PTPRG: variants seen among roughly 807,000 people sequenced by gnomAD.
PTPRG encodes the protein protein tyrosine phosphatase receptor type G.
PTPRG carries 102 observed loss-of-function variants against 165.3 expected under a neutral mutation model. That is an observed-to-expected ratio of 0.62 (90% CI 0.53 to 0.73). The LOEUF (loss-of-function observed/expected upper bound fraction) is 0.73. Among genes scored for constraint, PTPRG ranks in the 30% least tolerant of loss-of-function variants. PTPRG has a pLI of 0.00. For missense variants in PTPRG, 1,866 were observed against 1,861.4 expected, an observed-to-expected ratio of 1.00 and a Z score of -0.05; for synonymous variants, 675 against 669.5, an observed-to-expected ratio of 1.01 and a Z score of -0.13.
intron 1 of PTPRG, among the ~76,000 whole-genome samples, chr3:61,696,778 C>G (rs1282777618): frequency 2.0e-5 from 3 of 152,144 alleles, no homozygotes; most frequent in African/African-American, 7.2e-5. Context: ...TAGACTGCCA[C>G]AAGGAGCTAT....
chr3:62,278,474 T>C (rs1702313287), intron 26 of PTPRG, among the ~76,000 whole-genome samples: 1 of 152,086 alleles, frequency 6.6e-6, no homozygotes, highest in South Asian at 2.1e-4. Flanking sequence ...TTAGATCTTG[T>C]GGATACTTAA....
At chr3:61,858,567 AT>A (rs370523040) in intron 2 of PTPRG, among the ~76,000 whole-genome samples, 144 of 152,260 alleles carry the variant, frequency 9.5e-4, no homozygotes, top group African/African-American at 3.0e-3. Context: ...AGAAAAAGGC[AT>A]TTTTTTAAAG....
Position 62,271,469 on chromosome 3 carries a change from C to A in PTPRG, c.3096C>A (p.Pro1032=), listed in dbSNP as rs963079180. The part of the protein sequence containing the change: ...HYTQWPDMGV[P]EYALPVLTFV... ...CACAGTGGCCTGACATGGGAGTTCC[C>A]GAGTATGCCCTTCCAGTACTGACTT... The change falls in exon 21 of 30, where the codon CCC becomes CCA. Residue 1032 remains proline, a synonymous_variant. Transcript: ENST00000474889. The surrounding 1 kb of genome is among the most constrained non-coding windows in gnomAD (Gnocchi z 4.1). 3.9e-5 allele frequency: 63 copies of A among 1,613,784 alleles called. No individual in the cohort carries two copies. The highest frequency in any genetic ancestry group is 5.0e-5 in the Non-Finnish European group (59 of 1,179,842).
intron 1 of PTPRG, among the ~76,000 whole-genome samples, chr3:61,622,135 G>T (rs1189264813): frequency 1.3e-5 from 2 of 152,122 alleles, no homozygotes; most frequent in East Asian, 3.8e-4. Context: ...ACTTTCTAGA[G>T]GGAGGAAACC....
At chr3:61,985,693 T>C (rs894589826) in intron 2 of PTPRG, among the ~76,000 whole-genome samples, 1 of 152,172 alleles carries the variant, frequency 6.6e-6, no homozygotes, top group Admixed American at 6.5e-5. Context: ...CAGTGATGGA[T>C]TGATCATTAA....
intron 2 of PTPRG, among the ~76,000 whole-genome samples, chr3:61,924,052 C>G (rs1233374768): frequency 1.1e-4 from 16 of 152,144 alleles, no homozygotes; most frequent in Non-Finnish European, 1.5e-5. Flanking sequence ...AAAGCTAGGG[C>G]TTTTCCCATC....
Position 62,218,921 on chromosome 3 carries a change from T to G in PTPRG, c.2226T>G (p.Ile742Met), listed in dbSNP as rs757650773. The G allele has an allele frequency of 7.6e-5, 123 of 1,613,958 alleles. No individual in the cohort carries two copies. The highest frequency in any genetic ancestry group is 1.0e-4 in the Non-Finnish European group (121 of 1,179,982). ...PGRMEWIIPL[I>M]VVSALTFVCL... ...GGATGGAGTGGATCATCCCTCTGAT[T>G]GTGGTATCAGCCTTGACCTTCGTGT... The change falls in exon 13 of 30, where the codon ATT becomes ATG. Residue 742 changes from isoleucine (I) to methionine (M), a missense_variant. By Grantham distance (10) the Ile-to-Met change is conservative. Coordinates refer to ENST00000474889, the MANE Select transcript of PTPRG (RefSeq NM_002841.4).
chr3:61,730,624 A>G (rs1277070813), intron 1 of PTPRG, among the ~76,000 whole-genome samples: 1 of 152,098 alleles, frequency 6.6e-6, no homozygotes, highest in East Asian at 1.9e-4. Context: ...GTCCATCCAC[A>G]TTTTAAACCA....
intron 1 of PTPRG, among the ~76,000 whole-genome samples, chr3:61,605,716 A>C (rs993675651): frequency 6.6e-6 from 1 of 152,064 alleles, no homozygotes; most frequent in East Asian, 1.9e-4. Flanking sequence ...CTACGGGCAC[A>C]CACCACCATG....
chr3:62,276,056 C>CATCAG, intron 24 of PTPRG, 90 bp downstream of exon 24: 4 of 941,676 alleles, frequency 4.2e-6, no homozygotes, highest in South Asian at 1.7e-5. Flanking sequence ...CTATTGATAG[C>CATCAG]ACCCTTCAAT....
At chr3:62,032,372 T>C (rs1354915624) in intron 4 of PTPRG, among the ~76,000 whole-genome samples, 1 of 152,218 alleles carries the variant, frequency 6.6e-6, no homozygotes, top group Non-Finnish European at 1.5e-5. Context: ...TTAGTCAATA[T>C]GGATTTGAGT....
intron 2 of PTPRG, among the ~76,000 whole-genome samples, chr3:61,813,543 C>CTGTGTGTCTGTG (rs1553673887): frequency 1.7e-5 from 2 of 116,880 alleles, no homozygotes; most frequent in Admixed American, 9.2e-5. Flanking sequence ...AAAAGAAAAT[C>CTGTGTGTCTGTG]TGTGTGTGTG....
rs1559658865 is a variant in PTPRG, at chr3:61,869,584, T to TCCCC, written c.191-120041_191-120040insCCCC. Among the ~76,000 whole-genome samples the TCCCC allele has an allele frequency of 1.4e-3, 200 of 144,022 alleles. 4 individuals are homozygous for TCCCC. Among genetic ancestry groups the TCCCC allele is most frequent in the African/African-American group, 4.4e-3 (176 of 40,100 alleles). 94.5% of individuals were successfully genotyped at this position (144,022 alleles called of 152,430 possible). The stretch of plus-strand genomic sequence containing the variant: ...CTCCCCTCCCCTCCCCTCCCCTCCC[T>TCCCC]TCACCTCTTTGTCTGACAGAGTCTT... On this transcript the variant is annotated intron_variant, in intron 2 of 29. Transcript: ENST00000474889.
intron 1 of PTPRG, among the ~76,000 whole-genome samples, chr3:61,641,658 C>T (rs1325804930): frequency 6.6e-6 from 1 of 152,082 alleles, no homozygotes; most frequent in African/African-American, 2.4e-5. Flanking sequence ...GTCATCATTA[C>T]ATATATAGAA....
intron 4 of PTPRG, among the ~76,000 whole-genome samples, chr3:62,073,463 T>G (rs935229642): frequency 6.6e-6 from 1 of 152,138 alleles, no homozygotes; most frequent in Non-Finnish European, 1.5e-5. Flanking sequence ...CTTGCTGATA[T>G]GATGCACGGA....
At chr3:62,223,454 T>C (rs1248604273) in intron 13 of PTPRG, among the ~76,000 whole-genome samples, 1 of 152,214 alleles carries the variant, frequency 6.6e-6, no homozygotes, top group East Asian at 1.9e-4. Context: ...ATAAATAGCA[T>C]TGTGCATTCG....
intron 5 of PTPRG, among the ~76,000 whole-genome samples, chr3:62,106,547 C>G (rs989426428): frequency 3.9e-4 from 56 of 144,686 alleles, no homozygotes; most frequent in Middle Eastern, 3.8e-3. Context: ...GTTGCCCAGG[C>G]TGGGGTGCAG....
chr3:61,932,828 C>G (rs73098118), intron 2 of PTPRG, among the ~76,000 whole-genome samples: 2 of 152,286 alleles, frequency 1.3e-5, no homozygotes, highest in Non-Finnish European at 2.9e-5. Context: ...ATGGGTTTTT[C>G]AGGCGCAGCA....
chr3:61,571,834 G>A (rs1391522322), intron 1 of PTPRG, among the ~76,000 whole-genome samples: 3 of 152,194 alleles, frequency 2.0e-5, no homozygotes, highest in African/African-American at 7.2e-5. Flanking sequence ...TGTTTGGCAA[G>A]AAATGGCTTG....
Sources: allele counts gnomAD v4.1 joint callset (sites outside exome capture counted in the v4.1 genomes callset), GRCh38; gene constraint gnomAD v4.1.1; non-coding constraint Gnocchi (gnomAD v3.1); transcripts MANE v1.5; gene names NCBI Gene and HGNC (gene_info 2026-07-23, HGNC 2026-07-21).